Variants in ZNF626 observed in about 807,000 individuals in gnomAD.
ZNF626 encodes zinc finger protein 626, also known as CTC-513N18.7.
A neutral mutation model predicts 11.7 loss-of-function variants in ZNF626; 4 were observed. The observed-to-expected ratio is 0.34, with a 90% confidence interval of 0.17 to 0.78. The LOEUF is 0.78. Ranked by LOEUF, ZNF626 falls within the 30% of genes least tolerant of loss-of-function variation. The pLI is 0.57. For missense variants in ZNF626, 588 were observed against 587.1 expected, an observed-to-expected ratio of 1.00 and a Z score of -0.01; for synonymous variants, 179 against 198.6, an observed-to-expected ratio of 0.90 and a Z score of 0.83.
At position 20,623,920 on chromosome 19, in the gene ZNF626, G is replaced by C; in HGVS notation, c.*370C>G. ...GGTTGAGAAGTTCCTTAAAAAATCT[G>C]TCACATTCTTTATATTTGTAGAGTT... On this transcript the variant is annotated 3_prime_UTR_variant, in exon 4 of 4. Coordinates refer to ENST00000601440, the MANE Select transcript of ZNF626 (RefSeq NM_001076675.3). 2.7e-6 allele frequency: 1 copy of C among 367,136 alleles called. No individual in the cohort carries two copies. Among genetic ancestry groups the C allele is most frequent in the Non-Finnish European group, 5.3e-6 (1 of 190,412 alleles). 22.7% of individuals were successfully genotyped at this position (367,136 alleles called of 1,614,324 possible).
chr19:20,635,874 T>G (rs1969960146), intron 3 of ZNF626, among the ~76,000 whole-genome samples: 2 of 152,290 alleles, frequency 1.3e-5, no homozygotes, highest in South Asian at 4.1e-4. Context: ...GGCTCATGCC[T>G]GTAATCCCAG....
chr19:20,636,857 C>A (rs1159240333), intron 3 of ZNF626, among the ~76,000 whole-genome samples: 1 of 151,874 alleles, frequency 6.6e-6, no homozygotes, highest in Non-Finnish European at 1.5e-5. Flanking sequence ...ACCGTTTGTA[C>A]TAAAAGTGCA....
At chr19:20,655,172 C>T (rs1018663911) in intron 1 of ZNF626, among the ~76,000 whole-genome samples, 8 of 151,690 alleles carry the variant, frequency 5.3e-5, no homozygotes, top group Non-Finnish European at 5.9e-5. Flanking sequence ...ACAAAGATAA[C>T]TGCTAATTGC....
chr19:20,661,464 TC>T lies in ZNF626; in HGVS notation c.-19del. The T allele has an allele frequency of 6.2e-7, 1 of 1,613,526 alleles. No individual in the cohort carries two copies. Among genetic ancestry groups the T allele is most frequent in the Non-Finnish European group, 8.5e-7 (1 of 1,179,690 alleles). ...CTCACCATTTTTGGCTTCCAGGAGGTCCCGGTGTCTTAGCTGTGGATCTCCC... is the reference window on the plus strand; with the variant it reads ...CTCACCATTTTTGGCTTCCAGGAGGTCCGGTGTCTTAGCTGTGGATCTCCC... On this transcript the variant is annotated 5_prime_UTR_variant, in exon 1 of 4. Coordinates refer to ENST00000601440, the MANE Select transcript of ZNF626 (RefSeq NM_001076675.3).
rs58402205 is a variant in ZNF626, at chr19:20,623,800, CA to C, written c.*489del. The C allele has an allele frequency of 0.52, 103,023 of 199,248 alleles. 21,246 individuals are homozygous for C. The highest frequency in any genetic ancestry group is 0.6 in the Admixed American group (9,804 of 16,322). The allele number at this position is 199,248 out of a possible 1,614,324, so 12.3% of individuals were successfully genotyped here. ...GGTGACAAGAGTTGAAACTCCATCT[CA>C]AAAAAAAAAAAAAAAAGACAGAACT... is the stretch of plus-strand genomic sequence containing the variant. On this transcript the variant is annotated 3_prime_UTR_variant, in exon 4 of 4. Coordinates refer to ENST00000601440, the MANE Select transcript of ZNF626 (RefSeq NM_001076675.3).
At chr19:20,658,726 T>C (rs782464618) in intron 1 of ZNF626, among the ~76,000 whole-genome samples, 1 of 152,104 alleles carries the variant, frequency 6.6e-6, no homozygotes, top group African/African-American at 2.4e-5. Context: ...CACCAACTCA[T>C]TGCCTAATAA....
chr19:20,648,780 T>C (rs1208477118), intron 1 of ZNF626, among the ~76,000 whole-genome samples: 1 of 152,186 alleles, frequency 6.6e-6, no homozygotes. Flanking sequence ...TTTTCCCCAA[T>C]AGAAATCTTG....
intron 1 of ZNF626, among the ~76,000 whole-genome samples, chr19:20,661,119 C>T (rs1555773643): frequency 6.6e-6 from 1 of 152,216 alleles, no homozygotes; most frequent in Non-Finnish European, 1.5e-5. Flanking sequence ...GAACCCGCAC[C>T]CCGAGTCAGG....
intron 1 of ZNF626, among the ~76,000 whole-genome samples, chr19:20,651,935 T>C (rs1015072894): frequency 2.6e-5 from 4 of 152,216 alleles, no homozygotes; most frequent in African/African-American, 9.6e-5. Context: ...GCTTTTTTTT[T>C]ACACTTACAC....
rs782149196 is a variant in ZNF626 at position 20,625,008 on chromosome 19, C to T, written c.869G>A (p.Cys290Tyr). 4.1e-5 allele frequency: 66 copies of T among 1,613,728 alleles called. No individual in the cohort carries two copies. The highest frequency in any genetic ancestry group is 1.6e-4 in the Middle Eastern group (1 of 6,082). The change falls in exon 4 of 4, where the codon TGT becomes TAT. Residue 290 changes from cysteine to tyrosine, a missense_variant. By Grantham distance (194) the Cys-to-Tyr change is radical (BLOSUM62 -2). Transcript: ENST00000601440. ...TGAGGACCGGTTGAAGGCTTTGCCA[C>T]ATTCTTCACATTTGTAGGGTTTCTT... ...TEKKPYKCEE[C>Y]GKAFNRSSTL...
At chr19:20,641,366 A>C (rs1481474661) in intron 3 of ZNF626, among the ~76,000 whole-genome samples, 3 of 152,200 alleles carry the variant, frequency 2.0e-5, no homozygotes, top group Admixed American at 2.0e-4. Flanking sequence ...CACTTGAATA[A>C]TCCAGTAACA....
Position 20,622,430 on chromosome 19 carries a change from A to G in ZNF626, c.*1860T>C, listed in dbSNP as rs892984164. The stretch of plus-strand genomic sequence containing the variant: ...CTCTCCACTTATATTTTCGTCATGC[A>G]TCTTACATTTTAATGTCCTTACTGT... On this transcript the variant is annotated 3_prime_UTR_variant, in exon 4 of 4. Coordinates refer to ENST00000601440, the MANE Select transcript of ZNF626 (RefSeq NM_001076675.3). 7 of 152,276 alleles carry G rather than the reference A, an allele frequency of 4.6e-5. No homozygotes were observed. Among genetic ancestry groups the G allele is most frequent in the African/African-American group, 1.4e-4 (6 of 41,564 alleles). 9.4% of individuals were successfully genotyped at this position (152,276 alleles called of 1,614,324 possible). A position where few individuals can be genotyped will look rare whatever the true frequency, so the allele number is the denominator to read the frequency against.
At chr19:20,631,125 T>C (rs1475695404) in intron 3 of ZNF626, among the ~76,000 whole-genome samples, 7 of 152,208 alleles carry the variant, frequency 4.6e-5, no homozygotes, top group Admixed American at 3.9e-4. Flanking sequence ...TTGACTGCAC[T>C]GTGGTCTGAG....
At chr19:20,629,488 G>C (rs1555770137) in intron 3 of ZNF626, among the ~76,000 whole-genome samples, 3 of 152,112 alleles carry the variant, frequency 2.0e-5, no homozygotes, top group Non-Finnish European at 4.4e-5. Context: ...TCCTTGAAGA[G>C]GTCCTTCACA....
At chr19:20,648,401 GA>G (rs1264608402) in intron 1 of ZNF626, among the ~76,000 whole-genome samples, 2 of 145,932 alleles carry the variant, frequency 1.4e-5, no homozygotes, top group East Asian at 4.1e-4. Flanking sequence ...TTCTGAGATG[GA>G]GTCTGGCTCT....
chr19:20,641,751 C>T (rs1970026794), intron 3 of ZNF626, among the ~76,000 whole-genome samples: 1 of 151,814 alleles, frequency 6.6e-6, no homozygotes, highest in African/African-American at 2.4e-5. Flanking sequence ...AAAGGGGTCT[C>T]CATATGTTCC....
intron 3 of ZNF626, among the ~76,000 whole-genome samples, chr19:20,637,653 T>C (rs2144776527): frequency 6.6e-6 from 1 of 151,982 alleles, no homozygotes; most frequent in South Asian, 2.1e-4. Context: ...TCTCCAGCTT[T>C]CAAGATGATT....
rs1970267231 is a variant in ZNF626, at chr19:20,661,439, C to G, written c.3+5G>C. 1 of 1,613,822 alleles carries G rather than the reference C, an allele frequency of 6.2e-7. No homozygotes were observed. The highest frequency in any genetic ancestry group is 1.7e-5 in the Admixed American group (1 of 59,998). ...TCTCTCGGGATGTCGGACCCTCACTCTCACCATTTTTGGCTTCCAGGAGGT... is the reference window on the plus strand; with the variant it reads ...TCTCTCGGGATGTCGGACCCTCACTGTCACCATTTTTGGCTTCCAGGAGGT... On this transcript the variant is annotated splice_donor_5th_base_variant and intron_variant, in intron 1 of 3. Transcript: ENST00000601440.
chr19:20,647,482 T>G (rs1299189087), intron 1 of ZNF626, among the ~76,000 whole-genome samples: 3 of 131,834 alleles, frequency 2.3e-5, no homozygotes, highest in African/African-American at 3.3e-5. Context: ...ACTAGGACAA[T>G]GGTTTTTTTT....
Sources: allele counts gnomAD v4.1 joint callset (sites outside exome capture counted in the v4.1 genomes callset), GRCh38; gene constraint gnomAD v4.1.1; transcripts MANE v1.5; gene names NCBI Gene and HGNC (gene_info 2026-07-23, HGNC 2026-07-21).